Variants in USP37 observed in about 807,000 individuals in gnomAD.
The protein encoded by USP37 is ubiquitin carboxyl-terminal hydrolase 37.
Under a neutral mutation model 124.0 loss-of-function variants are expected in USP37, and 27 were observed. The ratio of observed to expected loss-of-function variants is 0.22; its 90% CI spans 0.16 to 0.30. USP37 has a LOEUF of 0.30. Ranked by LOEUF, USP37 falls within the 10% of genes least tolerant of loss-of-function variation. The pLI, the probability that USP37 is intolerant of heterozygous loss-of-function variation, is 1.00. For synonymous variants in USP37, 365 were observed against 388.0 expected (o/e 0.94, Z 0.70); for missense variants, 889 against 1,140.4 (o/e 0.78, Z 3.17).
chr2:218,467,891 GT>G lies in USP37; in HGVS notation c.2300-1716del, dbSNP rs1206063613. 3.6e-3 allele frequency among the ~76,000 whole-genome samples: 502 copies of G among 139,588 alleles called. 1 individual carries two copies. Among genetic ancestry groups the G allele is most frequent in the African/African-American group, 8.6e-3 (333 of 38,564 alleles). 91.6% of individuals were successfully genotyped at this position (139,588 alleles called of 152,430 possible). ...AGCAATAACATTTCATGTTTTTTTTGTTTTTTTTTTTTTTAAGACTGAGTCT... is the reference window on the plus strand; with the variant it reads ...AGCAATAACATTTCATGTTTTTTTTGTTTTTTTTTTTTTAAGACTGAGTCT... On this transcript the variant is annotated intron_variant, in intron 20 of 25. Transcript: ENST00000258399.
intron 16 of USP37, among the ~76,000 whole-genome samples, chr2:218,485,069 A>T (rs1691480012): frequency 6.6e-6 from 1 of 152,338 alleles, no homozygotes; most frequent in South Asian, 2.1e-4. Flanking sequence ...TTATTCTTAT[A>T]TACATGTGTG....
At chr2:218,455,510 GA>G (rs55939134) in intron 25 of USP37, 69 bp downstream of exon 25, 314,349 of 1,289,000 alleles carry the variant, frequency 0.24, 8,235 homozygotes, top group Non-Finnish European at 0.26. Context: ...ATCCTCAAAG[GA>G]AAAAAAAAAA....
intron 10 of USP37, among the ~76,000 whole-genome samples, chr2:218,517,479 C>T (rs184635791): frequency 3.1e-4 from 47 of 152,208 alleles, no homozygotes; most frequent in African/African-American, 1.1e-3. Flanking sequence ...ACCTTTACTT[C>T]GAAACTATAG....
At chr2:218,470,803 CCAACTGTTAAGT>C (rs1690642685) in intron 20 of USP37, among the ~76,000 whole-genome samples, 1 of 152,130 alleles carries the variant, frequency 6.6e-6, no homozygotes, top group Non-Finnish European at 1.5e-5. Context: ...ACAAAACAGC[CCAACTGTTAAGT>C]CACAGATATT....
intron 14 of USP37, among the ~76,000 whole-genome samples, chr2:218,494,386 C>A (rs1688961815): frequency 6.6e-6 from 1 of 151,974 alleles, no homozygotes; most frequent in Non-Finnish European, 1.5e-5. Flanking sequence ...GGAGAAAATC[C>A]CAAAGCTTCA....
intron 17 of USP37, 92 bp downstream of exon 17, chr2:218,481,978 C>A: frequency 7.1e-7 from 1 of 1,402,772 alleles, no homozygotes; most frequent in South Asian, 1.5e-5. Flanking sequence ...ACCTTGGAGT[C>A]ATATTATGTA....
chr2:218,482,159 G>C lies in USP37; in HGVS notation c.1746C>G (p.Val582=). The C allele has an allele frequency of 6.2e-7, 1 of 1,613,988 alleles. No individual in the cohort carries two copies. Among genetic ancestry groups the C allele is most frequent in the East Asian group, 2.2e-5 (1 of 44,872 alleles). The part of the protein sequence containing the change: ...LSLNNKIGQQ[V]IIPRYLTLSS... ...ACAGGGTCAGGTATCTTGGAATGAT[G>C]ACTTGCTGCCCAATCTTATTGTTAA... Residue 582 remains valine (V), a synonymous_variant, in exon 17 of 26, where the codon GTC becomes GTG. Coordinates refer to ENST00000258399, the MANE Select transcript of USP37 (RefSeq NM_020935.3).
rs760086453 is a variant in USP37, at chr2:218,558,455, T to G, written c.156+43A>C. Reference sequence around the variant, plus strand: ...TGGCACAGAATAGCTATTTACTAAATGATCTGCTTCAAGAGCTATTCCAAA... The same window carrying G: ...TGGCACAGAATAGCTATTTACTAAAGGATCTGCTTCAAGAGCTATTCCAAA... On this transcript the variant is annotated intron_variant, in intron 4 of 25. Transcript: ENST00000258399. The G allele has an allele frequency of 1.9e-6, 3 of 1,566,230 alleles. No individual in the cohort carries two copies. In the African/African-American group the frequency reaches 4.1e-5, roughly 21 times the overall value.
chr2:218,561,934 T>C (rs147136629), intron 2 of USP37, among the ~76,000 whole-genome samples: 36 of 152,214 alleles, frequency 2.4e-4, no homozygotes, highest in Non-Finnish European at 4.4e-4. Flanking sequence ...TACACAGAGG[T>C]CATGTCTAGA....
chr2:218,500,466 A>G (rs897510413), intron 11 of USP37, among the ~76,000 whole-genome samples: 2 of 151,178 alleles, frequency 1.3e-5, no homozygotes, highest in Non-Finnish European at 2.9e-5. Context: ...CATGTTGATC[A>G]GGTTTGTCTT....
chr2:218,456,637 G>T (rs1033555547), intron 24 of USP37, among the ~76,000 whole-genome samples: 1 of 152,098 alleles, frequency 6.6e-6, no homozygotes, highest in Non-Finnish European at 1.5e-5. Context: ...TGCACATTGA[G>T]TGTGATCAAA....
Position 218,565,202 on chromosome 2 carries a change from C to T in USP37, c.-229-2389G>A, listed in dbSNP as rs1415304797. Among the ~76,000 whole-genome samples, 6 of 152,340 alleles carry T rather than the reference C, an allele frequency of 3.9e-5. 1 individual carries two copies. The highest frequency in any genetic ancestry group is 3.3e-4 in the Admixed American group (5 of 15,296). ...TCTCCCGCAATGCTGGGATTACTGG[C>T]ATGAGCCAATGCAGCTGGCCATATA... On this transcript the variant is annotated intron_variant, in intron 1 of 25. Coordinates refer to ENST00000258399, the MANE Select transcript of USP37 (RefSeq NM_020935.3).
intron 16 of USP37, among the ~76,000 whole-genome samples, chr2:218,482,816 G>A (rs1342100475): frequency 1.3e-5 from 2 of 152,040 alleles, no homozygotes; most frequent in African/African-American, 4.8e-5. Flanking sequence ...GGTCTGTAAA[G>A]GCTTTTAGCT....
chr2:218,450,820 A>C lies in USP37; in HGVS notation c.*4110T>G, dbSNP rs1329210922. 6.6e-6 allele frequency: 1 copy of C among 152,254 alleles called. No homozygotes were observed. Among genetic ancestry groups the C allele is most frequent in the Non-Finnish European group, 1.5e-5 (1 of 68,044 alleles). 9.4% of individuals were successfully genotyped at this position (152,254 alleles called of 1,614,324 possible). On this transcript the variant is annotated 3_prime_UTR_variant, in exon 26 of 26. Transcript: ENST00000258399. The stretch of plus-strand genomic sequence containing the variant: ...ACCTCTGTACTTTTAAGAAAAGTCC[A>C]ATGTTACAAAATCAAATGCTTATAT...
intron 14 of USP37, among the ~76,000 whole-genome samples, chr2:218,489,992 G>C (rs1691838398): frequency 6.6e-6 from 1 of 152,126 alleles, no homozygotes; most frequent in Non-Finnish European, 1.5e-5. Flanking sequence ...AATTATCCAT[G>C]TTAGTACTGA....
intron 10 of USP37, among the ~76,000 whole-genome samples, chr2:218,526,106 G>A (rs1690945133): frequency 6.6e-6 from 1 of 152,174 alleles, no homozygotes; most frequent in African/African-American, 2.4e-5. Flanking sequence ...CATTTAGGTT[G>A]ATTCCATGTC....
intron 15 of USP37, among the ~76,000 whole-genome samples, chr2:218,487,222 T>C (rs988173378): frequency 2.0e-5 from 3 of 152,164 alleles, no homozygotes; most frequent in South Asian, 4.1e-4. Flanking sequence ...GACACAAATA[T>C]GTATCTACAG....
chr2:218,541,772 G>A (rs1559218526), intron 8 of USP37, among the ~76,000 whole-genome samples: 1 of 152,064 alleles, frequency 6.6e-6, no homozygotes, highest in Admixed American at 6.6e-5. Flanking sequence ...ATACAAGACA[G>A]GAGTCAATAT....
chr2:218,547,002 A>T lies in USP37; in HGVS notation c.519T>A (p.Thr173=), dbSNP rs750321938. The change falls in exon 7 of 26, where the codon ACT becomes ACA. Residue 173 remains threonine, a synonymous_variant. Transcript: ENST00000258399. ...TCCGAGCTATTCCACTTCCTGCTAC[A>T]GTCTTAATCGATCCTCTACCCGGAT... is the stretch of plus-strand genomic sequence containing the variant. ...LGNPGRGSIK[T]VAGSGIARTI... is the part of the protein sequence containing the mutation. The T allele has an allele frequency of 6.2e-6, 10 of 1,613,744 alleles. No homozygotes were observed. The highest frequency in any genetic ancestry group is 8.5e-6 in the Non-Finnish European group (10 of 1,179,944).
Sources: gnomAD v4.1 joint callset for allele counts (sites outside exome capture counted in the v4.1 genomes callset) on GRCh38, gnomAD v4.1.1 for gene constraint, MANE v1.5 for transcripts, NCBI Gene and HGNC (gene_info 2026-07-23, HGNC 2026-07-21) for gene names.